Variants in TUBB8 observed in about 807,000 individuals in gnomAD.
TUBB8 encodes tubulin beta-8 chain.
A neutral mutation model predicts 33.7 loss-of-function variants in TUBB8; 25 were observed. That is an observed-to-expected ratio of 0.74 (90% CI 0.54 to 1.04). The LOEUF is 1.04. Among genes scored for constraint, TUBB8 ranks in the 50% least tolerant of loss-of-function variants. The pLI is 0.00. For missense variants in TUBB8, 279 were observed against 608.0 expected (o/e 0.46, Z 5.69); for synonymous variants, 245 against 240.1 (o/e 1.02, Z -0.19).
At chr10:75,717 T>C (rs1834804642), upstream of TUBB8, among the ~76,000 whole-genome samples, 1 of 151,948 alleles carries the variant, frequency 6.6e-6, no homozygotes, top group Non-Finnish European at 1.5e-5. Flanking sequence ...TTATTTTCTT[T>C]ATTTTCTTTT....
chr10:73,242 T>A (rs1834761039), intron 1 of TUBB8, among the ~76,000 whole-genome samples: 1 of 152,270 alleles, frequency 6.6e-6, no homozygotes, highest in Non-Finnish European at 1.5e-5. Context: ...AGACAAGGTC[T>A]CGCTCTGTTG....
At chr10:65,850 T>G (rs1834664431) in intron 1 of TUBB8, among the ~76,000 whole-genome samples, 1 of 152,276 alleles carries the variant, frequency 6.6e-6, no homozygotes, top group Admixed American at 6.5e-5. Flanking sequence ...CAAGCTGGTT[T>G]GGCATACTAA....
intron 1 of TUBB8, among the ~76,000 whole-genome samples, chr10:57,078 G>C (rs1365328571): frequency 6.6e-6 from 1 of 152,228 alleles, no homozygotes; most frequent in Non-Finnish European, 1.5e-5. Flanking sequence ...AACCCAGAAG[G>C]GGAGTTATTG....
In TUBB8 at chr10:47,691, C is replaced by CT. The variant is rs1834367599; in HGVS notation, c.700dup (p.Ser234LysfsTer16). Reference sequence around the variant, plus strand: ...GAAGCGCAGGCACGTGGTGACCCCACTCATGGTAGCAGACACCAGGTGGTT... The same window carrying CT: ...GAAGCGCAGGCACGTGGTGACCCCACTTCATGGTAGCAGACACCAGGTGGTT... On this transcript the variant is annotated frameshift_variant, in exon 4 of 4. Transcript: ENST00000568584. LOFTEE classifies it high-confidence loss of function. 1 of 1,612,106 alleles carries CT rather than the reference C, an allele frequency of 6.2e-7. No homozygotes were observed. The highest frequency in any genetic ancestry group is 2.2e-5 in the East Asian group (1 of 44,866).
chr10:66,816 TC>T (rs1169496315), intron 1 of TUBB8, among the ~76,000 whole-genome samples: 3 of 151,544 alleles, frequency 2.0e-5, no homozygotes, highest in Admixed American at 6.6e-5. Flanking sequence ...TATAAAAAAA[TC>T]AAAAAATTAG....
At chr10:56,644 G>A (rs1834534544) in intron 1 of TUBB8, among the ~76,000 whole-genome samples, 1 of 152,138 alleles carries the variant, frequency 6.6e-6, no homozygotes, top group Non-Finnish European at 1.5e-5. Flanking sequence ...TGTGAGAATG[G>A]CTCCAAAGGA....
At chr10:74,866 A>ATTTTTT (rs573408150), upstream of TUBB8, among the ~76,000 whole-genome samples, 2 of 115,820 alleles carry the variant, frequency 1.7e-5, no homozygotes, top group African/African-American at 3.2e-5. Flanking sequence ...GTCTGTGCCA[A>ATTTTTT]TTTTTTTTTT....
At position 47,592 on chromosome 10, in the gene TUBB8, A is replaced by G; in HGVS notation, c.800T>C (p.Met267Thr). Reference sequence around the variant, plus strand: ...GCTGGTCAGTGGGGCAAAGCCGGGCATGAAGAAATGCAGCCGGGGAAACGG... The same window carrying G: ...GCTGGTCAGTGGGGCAAAGCCGGGCGTGAAGAAATGCAGCCGGGGAAACGG... ...MVPFPRLHFF[M>T]PGFAPLTSRG... Residue 267 changes from methionine (M) to threonine (T), a missense_variant, in exon 4 of 4, where the codon ATG becomes ACG. Met to Thr is a moderately conservative substitution (Grantham distance 81). This residue lies in a region of TUBB8 where 4 missense variants were observed against 67.5 expected (regional missense o/e 0.06). Coordinates refer to ENST00000568584, the MANE Select transcript of TUBB8 (RefSeq NM_177987.3). 6.2e-7 allele frequency: 1 copy of G among 1,611,216 alleles called. No homozygotes were observed. The highest frequency in any genetic ancestry group is 1.3e-5 in the African/African-American group (1 of 75,026).
upstream of TUBB8, among the ~76,000 whole-genome samples, chr10:51,852 G>C: frequency 6.6e-6 from 1 of 152,208 alleles, no homozygotes; most frequent in South Asian, 2.1e-4. Context: ...AGTGGTAGCA[G>C]CAATAGCTCT....
At chr10:72,184 C>CT (rs1472759919) in intron 1 of TUBB8, among the ~76,000 whole-genome samples, 8 of 141,062 alleles carry the variant, frequency 5.7e-5, no homozygotes, top group African/African-American at 2.1e-4. Flanking sequence ...AAGATCGGGA[C>CT]ATTGCACTTT....
Position 47,116 on chromosome 10 carries a change from G to A in TUBB8, c.1276C>T (p.Gln426Ter), listed in dbSNP as rs1834346583. The A allele has an allele frequency of 6.0e-6, 9 of 1,506,310 alleles. No homozygotes were observed. Among genetic ancestry groups the A allele is most frequent in the Non-Finnish European group, 7.4e-6 (8 of 1,087,992 alleles). The allele number at this position is 1,506,310 out of a possible 1,614,324, so 93.3% of individuals were successfully genotyped here. The change falls in exon 4 of 4, where the codon CAG becomes TAG. Residue 426 changes from glutamine (Q) to a stop codon, truncating the protein, a stop_gained. Coordinates refer to ENST00000568584, the MANE Select transcript of TUBB8 (RefSeq NM_177987.3). LOFTEE classifies it high-confidence loss of function. ...NDLVSEYQQY[Q>*]DATAEEEEDE... is the part of the protein sequence containing the mutation. ...TCCTCCTCCTCGGCCGTGGCATCCTGATATTGCTGATATTCAGACACCAGG... is the reference window on the plus strand; with the variant it reads ...TCCTCCTCCTCGGCCGTGGCATCCTAATATTGCTGATATTCAGACACCAGG...
upstream of TUBB8, among the ~76,000 whole-genome samples, chr10:76,607 G>T (rs1187585027): frequency 6.8e-6 from 1 of 147,338 alleles, no homozygotes; most frequent in Non-Finnish European, 1.5e-5. Context: ...GCCCCACGCC[G>T]CCGCCGTGCG....
At chr10:46,653 G>A (rs1332542343), downstream of TUBB8, among the ~76,000 whole-genome samples, 3 of 151,484 alleles carry the variant, frequency 2.0e-5, no homozygotes, top group African/African-American at 7.3e-5. Flanking sequence ...GATAAGCCAA[G>A]GCTTGCCTTC....
At chr10:74,242 G>A (rs1481900160), upstream of TUBB8, 2 of 151,418 alleles carry the variant, frequency 1.3e-5, no homozygotes, top group Admixed American at 6.6e-5. Context: ...GGGAATCTCT[G>A]GAAATCAGCG....
intron 1 of TUBB8, among the ~76,000 whole-genome samples, chr10:70,306 A>C (rs1554742153): frequency 6.6e-6 from 1 of 151,696 alleles, no homozygotes; most frequent in African/African-American, 2.4e-5. Flanking sequence ...ATTATACTTT[A>C]AGTTTTAGGG....
chr10:58,122 C>A (rs1440045262), intron 1 of TUBB8, among the ~76,000 whole-genome samples: 2 of 152,242 alleles, frequency 1.3e-5, no homozygotes, highest in African/African-American at 4.8e-5. Context: ...TAGGGCATGA[C>A]AAAAATTCAG....
chr10:47,017 ATC>A lies in TUBB8; in HGVS notation c.*38_*39del. The A allele has an allele frequency of 1.5e-6, 1 of 687,262 alleles. No individual in the cohort carries two copies. The highest frequency in any genetic ancestry group is 2.5e-6 in the Non-Finnish European group (1 of 398,642). The allele number at this position is 687,262 out of a possible 1,614,324, so 42.6% of individuals were successfully genotyped here. On this transcript the variant is annotated 3_prime_UTR_variant, in exon 4 of 4. Transcript: ENST00000568584. The stretch of plus-strand genomic sequence containing the variant: ...CATGGCTGTCAGAACACAGTAAAGA[ATC>A]CACACTGCTTCCCCCCTTTACCTAG...
At chr10:50,417 T>C (rs1339648583), upstream of TUBB8, among the ~76,000 whole-genome samples, 4 of 152,202 alleles carry the variant, frequency 2.6e-5, no homozygotes, top group Non-Finnish European at 5.9e-5. Context: ...CTTCAGGGTA[T>C]TCTGGCCCAG....
chr10:52,732 CATAA>C (rs1277642880), upstream of TUBB8, among the ~76,000 whole-genome samples: 5 of 152,190 alleles, frequency 3.3e-5, no homozygotes, highest in Non-Finnish European at 7.3e-5. Flanking sequence ...CTTGTATGGC[CATAA>C]ATATTCTGCA....
Sources: gnomAD v4.1 joint callset for allele counts (sites outside exome capture counted in the v4.1 genomes callset) on GRCh38, gnomAD v4.1.1 for gene constraint, gnomAD v4.1.1 regional missense constraint, MANE v1.5 for transcripts, NCBI Gene and HGNC (gene_info 2026-07-23, HGNC 2026-07-21) for gene names.